SLC12A9: variants seen among roughly 807,000 people sequenced by gnomAD.
SLC12A9 encodes the protein CCC-interacting protein 1.
In SLC12A9, 55 loss-of-function variants were observed where a neutral mutation model predicts 66.0. The observed-to-expected ratio is 0.83, with a 90% CI of 0.67 to 1.04. SLC12A9 has a LOEUF of 1.04. Ranked by LOEUF, SLC12A9 falls within the 50% of genes least tolerant of loss-of-function variation. SLC12A9 has a pLI of 0.00. For synonymous variants in SLC12A9, 577 were observed against 569.0 expected (o/e 1.01, Z -0.20); for missense variants, 1,061 against 1,241.9 (o/e 0.85, Z 2.19).
intron 5 of SLC12A9, 166 bp from the exon 6 acceptor site, chr7:100,858,669 A>T (rs1000616346): frequency 1.6e-6 from 1 of 610,912 alleles, no homozygotes; most frequent in Admixed American, 2.7e-5. Context: ...GGACGTGGCA[A>T]TGTGTCTGGC....
Position 100,854,156 on chromosome 7 carries a change from G to A in SLC12A9, c.-42G>A, listed in dbSNP as rs1814241227. 6.6e-7 allele frequency: 1 copy of A among 1,508,618 alleles called. No individual in the cohort carries two copies. The highest frequency in any genetic ancestry group is 1.4e-5 in the South Asian group (1 of 70,426). 93.5% of individuals were successfully genotyped at this position (1,508,618 alleles called of 1,614,324 possible). ...TGATGCAACATAATCTCCTTTGCAG[G>A]TCACCTAACCCATTTGTGGCTTCCT... On this transcript the variant is annotated splice_region_variant and 5_prime_UTR_variant, in exon 2 of 14. Transcript: ENST00000354161.
intron 13 of SLC12A9, among the ~76,000 whole-genome samples, chr7:100,864,655 T>C (rs1349179907): frequency 6.6e-6 from 1 of 152,156 alleles, no homozygotes; most frequent in Admixed American, 6.5e-5. Context: ...GTGTGGCCTC[T>C]CACGCTGGAT....
chr7:100,853,056 C>G lies in SLC12A9; in HGVS notation c.-43+221C>G, dbSNP rs534243772. Among the ~76,000 whole-genome samples the G allele has an allele frequency of 2.8e-4, 43 of 151,272 alleles. 1 individual carries two copies. The highest frequency in any genetic ancestry group is 8.5e-4 in the African/African-American group (35 of 41,234). On this transcript the variant is annotated intron_variant, in intron 1 of 13. Transcript: ENST00000354161. ...TGGTAGAGTTTGTGGGGAGGGGTGC[C>G]TCGTGTGGATGGGAGGAATCGGGGA...
chr7:100,856,027 G>A (rs1417812814), intron 4 of SLC12A9, 190 bp downstream of exon 4: 15 of 802,618 alleles, frequency 1.9e-5, no homozygotes, highest in African/African-American at 5.4e-5. Flanking sequence ...TGCCTGCAGG[G>A]AGCTAACCAT....
At chr7:100,855,630 T>C (rs1814340753) in intron 3 of SLC12A9, 76 bp from the exon 4 acceptor site, 1 of 1,602,072 alleles carries the variant, frequency 6.2e-7, no homozygotes, top group Admixed American at 1.7e-5. Context: ...TTGGGTTCAG[T>C]GCTTGGAGCT....
At chr7:100,853,646 A>C (rs796085783) in intron 1 of SLC12A9, among the ~76,000 whole-genome samples, 12 of 143,518 alleles carry the variant, frequency 8.4e-5, no homozygotes, top group African/African-American at 2.9e-4. Context: ...CTGCAGCCCT[A>C]CGCCTCCAGG....
chr7:100,848,668 C>T (rs531940964), upstream of SLC12A9, among the ~76,000 whole-genome samples: 7 of 151,996 alleles, frequency 4.6e-5, no homozygotes, highest in East Asian at 1.9e-4. Flanking sequence ...GGGCGGATCA[C>T]GAGGTCAGGA....
chr7:100,827,923 A>G (rs1016656095), intron 1 of SLC12A9, among the ~76,000 whole-genome samples: 10 of 152,050 alleles, frequency 6.6e-5, no homozygotes, highest in African/African-American at 2.2e-4. Context: ...CCGCGCACAC[A>G]AAGCCCGCTC....
chr7:100,849,671 C>T (rs543298886), upstream of SLC12A9, among the ~76,000 whole-genome samples: 6 of 151,374 alleles, frequency 4.0e-5, no homozygotes, highest in East Asian at 2.0e-4. Context: ...GCTGAGATCG[C>T]GCCACTGCCC....
At chr7:100,860,284 A>G in intron 9 of SLC12A9, 52 bp downstream of exon 9, 2 of 1,570,788 alleles carry the variant, frequency 1.3e-6, no homozygotes, top group Non-Finnish European at 1.7e-6. Flanking sequence ...AGCTGGCAGG[A>G]TGGGGGTGCA....
intron 1 of SLC12A9, among the ~76,000 whole-genome samples, chr7:100,846,644 G>C (rs1367015362): frequency 7.9e-5 from 12 of 151,946 alleles, no homozygotes; most frequent in Admixed American, 7.9e-4. Flanking sequence ...AATCACTATC[G>C]ATCTGTCGTG....
Position 100,861,944 on chromosome 7 carries a change from C to T in SLC12A9, c.1711+33C>T, listed in dbSNP as rs1157729167. 2 of 1,528,592 alleles carry T rather than the reference C, an allele frequency of 1.3e-6. No individual in the cohort carries two copies. Among genetic ancestry groups the T allele is most frequent in the Non-Finnish European group, 1.8e-6 (2 of 1,139,384 alleles). 94.7% of individuals were successfully genotyped at this position (1,528,592 alleles called of 1,614,324 possible). On this transcript the variant is annotated intron_variant, in intron 12 of 13. Coordinates refer to ENST00000354161, the MANE Select transcript of SLC12A9 (RefSeq NM_020246.4). The surrounding 1 kb of genome is among the most constrained non-coding windows in gnomAD (Gnocchi z 5.3). ...GCCCTCCCACTCACTCACTCACTCC[C>T]ATCCTTCTCTCCCCCTACCTTTTTT...
At chr7:100,844,784 C>T (rs975665183) in intron 1 of SLC12A9, among the ~76,000 whole-genome samples, 4 of 152,126 alleles carry the variant, frequency 2.6e-5, no homozygotes, top group Non-Finnish European at 5.9e-5. Flanking sequence ...ACTGGATCCT[C>T]GAGTAAATAT....
chr7:100,848,365 A>G (rs888595377), upstream of SLC12A9, among the ~76,000 whole-genome samples: 3 of 152,006 alleles, frequency 2.0e-5, no homozygotes, highest in South Asian at 2.1e-4. Context: ...TTAGCCAGGC[A>G]TGGGTGCATG....
chr7:100,866,196 G>T lies in SLC12A9; in HGVS notation c.2336G>T (p.Gly779Val), dbSNP rs1289169408. 6.2e-7 allele frequency: 1 copy of T among 1,611,324 alleles called. No individual in the cohort carries two copies. Among genetic ancestry groups the T allele is most frequent in the East Asian group, 2.2e-5 (1 of 44,842 alleles). ...TGCCTGGGGCCTCGGGAGGCGCCTG[G>T]GGCGGCCGAGGGGCGGCTGCGGGCA... is the stretch of plus-strand genomic sequence containing the variant. ...FLCLGPREAP[G>V]AAEGRLRALL... The change falls in exon 14 of 14, where the codon GGG (glycine) becomes GTG (valine). Residue 779 changes from glycine to valine, a missense_variant. Transcript: ENST00000354161. The surrounding 1 kb of genome is among the most constrained non-coding windows in gnomAD (Gnocchi z 7.3).
intron 5 of SLC12A9, chr7:100,857,407 G>T: frequency 1.7e-6 from 1 of 578,816 alleles, no homozygotes; most frequent in African/African-American, 1.9e-5. Flanking sequence ...TGTTCTAGCT[G>T]AGGAGAGACA....
chr7:100,846,566 CA>C lies in SLC12A9; in HGVS notation n.229-13305del, dbSNP rs199870500. On this transcript the variant is annotated intron_variant and non_coding_transcript_variant, in intron 1 of 1. Transcript: ENST00000461016. ...TGGGCGACAAAGTGAGACTCCGTCTCAAAAAAAAAAAAAAGCTTCATCGCTA... is the reference window on the plus strand; with the variant it reads ...TGGGCGACAAAGTGAGACTCCGTCTCAAAAAAAAAAAAAGCTTCATCGCTA... Among the ~76,000 whole-genome samples, 3,105 of 105,168 alleles carry C rather than the reference CA, an allele frequency of 0.03. 250 individuals carry two copies. In the East Asian group the frequency reaches 0.35, roughly 12 times the overall value. The allele number at this position is 105,168 out of a possible 152,430, so 69.0% of individuals were successfully genotyped here.
At chr7:100,842,116 G>GAA (rs781017373) in intron 1 of SLC12A9, among the ~76,000 whole-genome samples, 17 of 117,998 alleles carry the variant, frequency 1.4e-4, no homozygotes, top group Non-Finnish European at 2.7e-4. Context: ...TGTTCGTACA[G>GAA]AAAAAAAAAA....
chr7:100,843,139 C>G (rs1813823124), intron 1 of SLC12A9, among the ~76,000 whole-genome samples: 1 of 152,246 alleles, frequency 6.6e-6, no homozygotes, highest in Non-Finnish European at 1.5e-5. Context: ...TGCCGAATAA[C>G]TGGAGTGGCA....
Sources: gnomAD v4.1 joint callset for allele counts (sites outside exome capture counted in the v4.1 genomes callset) on GRCh38, gnomAD v4.1.1 for gene constraint, Gnocchi (gnomAD v3.1) non-coding constraint, MANE v1.5 for transcripts, NCBI Gene and HGNC (gene_info 2026-07-23, HGNC 2026-07-21) for gene names.